CACHD1: variants seen among roughly 807,000 people sequenced by gnomAD.
The protein encoded by CACHD1 is VWFA and cache domain-containing protein 1.
A neutral mutation model predicts 138.7 loss-of-function variants in CACHD1; 71 were observed. That is an observed-to-expected ratio of 0.51 (90% CI 0.42 to 0.62). The LOEUF (loss-of-function observed/expected upper bound fraction) is 0.62. CACHD1 is among the 20% of genes least tolerant of loss of function. CACHD1 has a pLI of 0.00. For missense variants in CACHD1, 1,389 were observed against 1,625.3 expected (o/e 0.85, Z 2.50); for synonymous variants, 578 against 591.5 (o/e 0.98, Z 0.33).
Position 64,691,438 on chromosome 1 carries a change from C to A in CACHD1, c.3702C>A (p.Pro1234=), listed in dbSNP as rs777126119. ...ATGAGGACTTAGACCTGGATACCCC[C>A]CCTCAGACTGCTGCCCTACTAAGTC... The part of the protein sequence containing the change: ...NHDEDLDLDT[P]PQTAALLSHK... The change falls in exon 27 of 27, where the codon CCC becomes CCA. Residue 1234 remains proline (P), a synonymous_variant. Coordinates refer to ENST00000651257, the MANE Select transcript of CACHD1 (RefSeq NM_020925.4). 5.6e-6 allele frequency: 9 copies of A among 1,614,014 alleles called. 1 individual carries two copies. Among genetic ancestry groups the A allele is most frequent in the South Asian group, 4.4e-5 (4 of 91,088 alleles).
At chr1:64,680,746 T>C (rs1020376430) in intron 24 of CACHD1, among the ~76,000 whole-genome samples, 1 of 152,174 alleles carries the variant, frequency 6.6e-6, no homozygotes, top group Non-Finnish European at 1.5e-5. Context: ...GACAGGTTGA[T>C]GTTAAAGCAT....
At chr1:64,508,475 T>TGA (rs1300386259) in intron 1 of CACHD1, among the ~76,000 whole-genome samples, 3 of 152,314 alleles carry the variant, frequency 2.0e-5, no homozygotes, top group African/African-American at 7.2e-5. Context: ...TTTGTGTGTG[T>TGA]GACCTTGGAT....
chr1:64,668,562 CT>C (rs1306999410), intron 16 of CACHD1, among the ~76,000 whole-genome samples: 2 of 152,082 alleles, frequency 1.3e-5, no homozygotes, highest in Non-Finnish European at 2.9e-5. Flanking sequence ...CATTTGGTTA[CT>C]TTTACATCAT....
chr1:64,568,367 A>G (rs762267512), intron 2 of CACHD1, among the ~76,000 whole-genome samples: 2 of 152,114 alleles, frequency 1.3e-5, no homozygotes, highest in Non-Finnish European at 2.9e-5. Context: ...AGCTTCTGTT[A>G]GTATGGTTTC....
chr1:64,606,806 A>G (rs186360027), intron 4 of CACHD1, among the ~76,000 whole-genome samples: 2 of 152,276 alleles, frequency 1.3e-5, no homozygotes, highest in East Asian at 3.9e-4. Context: ...TTGCTGGTCC[A>G]TTGGATGGTG....
chr1:64,598,273 C>T (rs908844331), intron 3 of CACHD1, among the ~76,000 whole-genome samples: 1 of 152,156 alleles, frequency 6.6e-6, no homozygotes, highest in East Asian at 1.9e-4. Flanking sequence ...ACCGGCACAT[C>T]AGTGGTAGTG....
At chr1:64,481,813 A>T (rs182632042) in intron 1 of CACHD1, among the ~76,000 whole-genome samples, 240 of 152,342 alleles carry the variant, frequency 1.6e-3, no homozygotes, top group Middle Eastern at 3.4e-3. Context: ...AAATTGCTGG[A>T]AATTAATGAT....
At chr1:64,625,972 G>T (rs886440245) in intron 4 of CACHD1, among the ~76,000 whole-genome samples, 2 of 152,118 alleles carry the variant, frequency 1.3e-5, no homozygotes, top group South Asian at 4.1e-4. Context: ...TGCTAGAGTC[G>T]AGTCTCCATT....
intron 1 of CACHD1, among the ~76,000 whole-genome samples, chr1:64,540,162 C>A (rs527377844): frequency 1.1e-3 from 165 of 152,226 alleles, no homozygotes; most frequent in African/African-American, 3.9e-3. Flanking sequence ...TCCCAGAGAC[C>A]TAAGCATTTG....
intron 7 of CACHD1, among the ~76,000 whole-genome samples, chr1:64,634,678 A>C (rs10889492): frequency 1 from 151,630 of 152,266 alleles, 75,506 homozygotes; most frequent in Middle Eastern, 1. Context: ...AGTCACCGCG[A>C]CCAGCGTAGA....
At chr1:64,670,194 T>A (rs1446061495) in intron 16 of CACHD1, among the ~76,000 whole-genome samples, 1 of 152,188 alleles carries the variant, frequency 6.6e-6, no homozygotes, top group Non-Finnish European at 1.5e-5. Context: ...TCCCAGCTAC[T>A]TGAGACTGGG....
chr1:64,667,853 A>C (rs148361170), intron 16 of CACHD1, among the ~76,000 whole-genome samples: 1 of 152,136 alleles, frequency 6.6e-6, no homozygotes, highest in African/African-American at 2.4e-5. Context: ...CTGTCTAGAC[A>C]TATTCTTTTT....
At chr1:64,493,026 A>G (rs1557461038) in intron 1 of CACHD1, among the ~76,000 whole-genome samples, 1 of 152,218 alleles carries the variant, frequency 6.6e-6, no homozygotes, top group Non-Finnish European at 1.5e-5. Flanking sequence ...TTTGGAAGGA[A>G]AGACTTGGGG....
chr1:64,543,402 C>CATATATATATATATATAT lies in CACHD1; in HGVS notation c.199-7185_199-7168dup, dbSNP rs140966471. On this transcript the variant is annotated intron_variant, in intron 1 of 26. Coordinates refer to ENST00000651257, the MANE Select transcript of CACHD1 (RefSeq NM_020925.4). ...GAGATCCTATCTCTAAAAAAAAATA[C>CATATATATATATATATAT]ATATATATATATATATATATATATT... 3.4e-3 allele frequency among the ~76,000 whole-genome samples: 425 copies of CATATATATATATATATAT among 126,812 alleles called. 2 individuals are homozygous for CATATATATATATATATAT. The highest frequency in any genetic ancestry group is 6.1e-3 in the African/African-American group (188 of 30,586). 83.2% of individuals were successfully genotyped at this position (126,812 alleles called of 152,430 possible).
chr1:64,473,322 G>GGA, intron 1 of CACHD1, among the ~76,000 whole-genome samples: 1 of 148,666 alleles, frequency 6.7e-6, no homozygotes, highest in African/African-American at 2.5e-5. Flanking sequence ...AGACTGGTCG[G>GGA]AAAAAAAAAA....
At chr1:64,484,519 A>C (rs1646230864) in intron 1 of CACHD1, among the ~76,000 whole-genome samples, 1 of 152,202 alleles carries the variant, frequency 6.6e-6, no homozygotes. Flanking sequence ...CGTGGCCAAA[A>C]GTGTACAGTT....
intron 2 of CACHD1, among the ~76,000 whole-genome samples, chr1:64,555,370 T>G (rs1482755694): frequency 6.6e-6 from 1 of 152,212 alleles, no homozygotes; most frequent in Non-Finnish European, 1.5e-5. Flanking sequence ...AAAGATATTC[T>G]CCTATACTGC....
intron 1 of CACHD1, among the ~76,000 whole-genome samples, chr1:64,525,294 AG>A (rs1446168657): frequency 6.6e-6 from 1 of 152,176 alleles, no homozygotes; most frequent in Admixed American, 6.5e-5. Flanking sequence ...TGATCCTCCA[AG>A]GGTTTAAAAT....
chr1:64,525,641 G>A (rs189084561), intron 1 of CACHD1, among the ~76,000 whole-genome samples: 27 of 152,258 alleles, frequency 1.8e-4, no homozygotes, highest in Admixed American at 1.6e-3. Flanking sequence ...CAGTATTTTC[G>A]TAAATATAAA....
Sources: allele counts gnomAD v4.1 joint callset (sites outside exome capture counted in the v4.1 genomes callset), GRCh38; gene constraint gnomAD v4.1.1; transcripts MANE v1.5; gene names NCBI Gene and HGNC (gene_info 2026-07-23, HGNC 2026-07-21).